Variants in CHST11 observed in about 807,000 individuals in gnomAD.
CHST11 encodes the protein carbohydrate sulfotransferase 11, also known as C4S-1.
In CHST11, 9 loss-of-function variants were observed where a neutral mutation model predicts 30.4. The observed-to-expected ratio is 0.30, with a 90% confidence interval of 0.18 to 0.52. The LOEUF is 0.52. CHST11 is among the 20% of genes least tolerant of loss of function. The pLI, the probability that CHST11 is intolerant of heterozygous loss-of-function variation, is 0.97. For missense variants in CHST11, 348 were observed against 460.6 expected (o/e 0.76, Z 2.24); for synonymous variants, 152 against 187.8 (o/e 0.81, Z 1.56).
chr12:104,549,560 T>C (rs1184343963), intron 1 of CHST11, among the ~76,000 whole-genome samples: 4 of 152,034 alleles, frequency 2.6e-5, no homozygotes, highest in Admixed American at 6.6e-5. Flanking sequence ...AGAGGTCCAG[T>C]GTGGGAAAAC....
intron 1 of CHST11, among the ~76,000 whole-genome samples, chr12:104,537,096 T>C (rs1237719333): frequency 1.3e-5 from 2 of 152,048 alleles, no homozygotes; most frequent in Non-Finnish European, 2.9e-5. Flanking sequence ...CGCAGGTGTG[T>C]GGAACAAAAA....
intron 1 of CHST11, among the ~76,000 whole-genome samples, chr12:104,537,693 C>CT (rs3039113): frequency 0.085 from 10,537 of 124,432 alleles, 697 homozygotes; most frequent in South Asian, 0.15. Context: ...TACCTCCCTG[C>CT]TTTTTTTTTT....
chr12:104,653,777 G>A (rs1311956390), intron 2 of CHST11, among the ~76,000 whole-genome samples: 1 of 152,142 alleles, frequency 6.6e-6, no homozygotes, highest in Non-Finnish European at 1.5e-5. Context: ...GAGGCTCGAG[G>A]AGATTAAGTG....
intron 2 of CHST11, among the ~76,000 whole-genome samples, chr12:104,728,905 G>A (rs1198347833): frequency 6.6e-6 from 1 of 152,178 alleles, no homozygotes; most frequent in African/African-American, 2.4e-5. Context: ...AGAATCAAGA[G>A]CCAGTTAGAG....
intron 1 of CHST11, among the ~76,000 whole-genome samples, chr12:104,569,784 G>T (rs981833030): frequency 6.6e-6 from 1 of 152,278 alleles, no homozygotes; most frequent in African/African-American, 2.4e-5. Context: ...GTGGTATTGG[G>T]GTGGCACCAT....
At chr12:104,636,547 C>A (rs919511201) in intron 2 of CHST11, among the ~76,000 whole-genome samples, 12 of 152,156 alleles carry the variant, frequency 7.9e-5, no homozygotes, top group African/African-American at 2.9e-4. Context: ...CAAGAAGGAA[C>A]ACCCCTTTTA....
chr12:104,706,200 AT>A (rs1264208407), intron 2 of CHST11, among the ~76,000 whole-genome samples: 1 of 151,942 alleles, frequency 6.6e-6, no homozygotes, highest in Non-Finnish European at 1.5e-5. Context: ...CCTGGCCAAC[AT>A]GGTGAAACCC....
chr12:104,458,842 C>G lies in CHST11; in HGVS notation c.118+1313C>G, dbSNP rs190238049. 5.3e-5 allele frequency among the ~76,000 whole-genome samples: 8 copies of G among 152,366 alleles called. No homozygotes were observed. The highest frequency in any genetic ancestry group is 1.9e-4 in the African/African-American group (8 of 41,578). ...CCCGCCTTCTCCTTTCACTGTGTAT[C>G]TAACACTTTAAACAGACGCAGTCCC... On this transcript the variant is annotated intron_variant, in intron 1 of 2. Coordinates refer to ENST00000303694, the MANE Select transcript of CHST11 (RefSeq NM_018413.6). This position sits in a 1 kb window ranked among gnomAD's most constrained non-coding sequence, Gnocchi z 5.7.
intron 1 of CHST11, among the ~76,000 whole-genome samples, chr12:104,575,489 G>T (rs150910496): frequency 6.6e-6 from 1 of 152,190 alleles, no homozygotes; most frequent in Non-Finnish European, 1.5e-5. Flanking sequence ...TGCCAGGAAG[G>T]CCTCTGCGAG....
chr12:104,533,692 A>C (rs1467739513), intron 1 of CHST11, among the ~76,000 whole-genome samples: 2 of 152,222 alleles, frequency 1.3e-5, no homozygotes, highest in Non-Finnish European at 2.9e-5. Flanking sequence ...CCCAGAAGAC[A>C]CTTGGAGTCT....
chr12:104,566,802 C>T (rs1232241901), intron 1 of CHST11, among the ~76,000 whole-genome samples: 2 of 152,128 alleles, frequency 1.3e-5, no homozygotes, highest in Non-Finnish European at 2.9e-5. Context: ...CGGCAGACAT[C>T]ACTAATGGAT....
chr12:104,461,873 T>G (rs929737456), intron 1 of CHST11, among the ~76,000 whole-genome samples: 21 of 151,734 alleles, frequency 1.4e-4, no homozygotes, highest in African/African-American at 4.4e-4. Flanking sequence ...TTTAGAAAAT[T>G]TAGGAGGTGG....
chr12:104,483,511 A>G (rs917421074), intron 1 of CHST11, among the ~76,000 whole-genome samples: 9 of 152,050 alleles, frequency 5.9e-5, no homozygotes, highest in Non-Finnish European at 1.2e-4. Context: ...CGGCCTCCCC[A>G]TGCACTTTGA....
chr12:104,531,044 A>G (rs1051883102), intron 1 of CHST11, among the ~76,000 whole-genome samples: 3 of 152,216 alleles, frequency 2.0e-5, no homozygotes, highest in Non-Finnish European at 4.4e-5. Flanking sequence ...GCCAGCTTTC[A>G]TGTTTTCCAT....
chr12:104,549,101 G>GCCC (rs2038380411), intron 1 of CHST11, among the ~76,000 whole-genome samples: 1 of 152,210 alleles, frequency 6.6e-6, no homozygotes, highest in African/African-American at 2.4e-5. Flanking sequence ...GTCAAAATAT[G>GCCC]ATTGCGGTAA....
chr12:104,674,322 T>C (rs550368993), intron 2 of CHST11, among the ~76,000 whole-genome samples: 29 of 152,352 alleles, frequency 1.9e-4, no homozygotes, highest in African/African-American at 6.5e-4. Context: ...CCAGTGTTTC[T>C]ATAATGATAA....
chr12:104,494,916 A>G (rs560775150), intron 1 of CHST11, among the ~76,000 whole-genome samples: 1 of 152,178 alleles, frequency 6.6e-6, no homozygotes, highest in South Asian at 2.1e-4. Context: ...AGATCTCCAG[A>G]ACTTTTTTGT....
chr12:104,597,905 G>A (rs2038922148), intron 1 of CHST11, among the ~76,000 whole-genome samples: 1 of 152,192 alleles, frequency 6.6e-6, no homozygotes, highest in Non-Finnish European at 1.5e-5. Flanking sequence ...GAGACCATGG[G>A]CTGTCTAAGG....
At chr12:104,568,590 G>C (rs557408965) in intron 1 of CHST11, among the ~76,000 whole-genome samples, 125 of 152,278 alleles carry the variant, frequency 8.2e-4, no homozygotes, top group Non-Finnish European at 1.2e-3. Flanking sequence ...GGGAGCTGCT[G>C]ATGGGACCTC....
Sources: allele counts gnomAD v4.1 joint callset (sites outside exome capture counted in the v4.1 genomes callset), GRCh38; gene constraint gnomAD v4.1.1; non-coding constraint Gnocchi (gnomAD v3.1); transcripts MANE v1.5; gene names NCBI Gene and HGNC (gene_info 2026-07-23, HGNC 2026-07-21).